Variants in SCARA5 observed in about 807,000 individuals in gnomAD.
SCARA5 encodes scavenger receptor class A, member 5 (putative).
SCARA5 carries 45 observed loss-of-function variants against 46.3 expected under a neutral mutation model. That is an observed-to-expected ratio of 0.97 (90% CI 0.76 to 1.24). The LOEUF (loss-of-function observed/expected upper bound fraction) is 1.24. Ranked by LOEUF, SCARA5 falls within the 50% of genes most tolerant of loss-of-function variation. The probability of loss-of-function intolerance (pLI) is 0.00; values close to 1 mark genes in which losing one functional copy is unlikely to be tolerated. For missense variants in SCARA5, 680 were observed against 689.0 expected (o/e 0.99, Z 0.15); for synonymous variants, 333 against 306.5 (o/e 1.09, Z -0.90).
intron 4 of SCARA5, among the ~76,000 whole-genome samples, chr8:27,919,578 C>T (rs1807548989): frequency 6.6e-6 from 1 of 152,070 alleles, no homozygotes; most frequent in South Asian, 2.1e-4. Flanking sequence ...ACATTGCAGT[C>T]TCTACTCCTT....
At chr8:27,954,862 C>G (rs748586481) in intron 3 of SCARA5, among the ~76,000 whole-genome samples, 7 of 152,216 alleles carry the variant, frequency 4.6e-5, no homozygotes, top group Non-Finnish European at 1.0e-4. Flanking sequence ...CCTTTCTTTC[C>G]TTGACTCCTC....
chr8:27,947,714 A>AG, intron 3 of SCARA5, among the ~76,000 whole-genome samples: 1 of 151,838 alleles, frequency 6.6e-6, no homozygotes, highest in East Asian at 1.9e-4. Flanking sequence ...CTACTAAAAA[A>AG]AAAAAAAAAA....
chr8:27,877,125 C>T (rs1806737625), intron 8 of SCARA5, among the ~76,000 whole-genome samples: 1 of 152,112 alleles, frequency 6.6e-6, no homozygotes, highest in Non-Finnish European at 1.5e-5. Flanking sequence ...CTGGAAACTG[C>T]TTGTAGAGAG....
At chr8:27,907,503 G>A (rs1807284242) in intron 5 of SCARA5, among the ~76,000 whole-genome samples, 1 of 151,874 alleles carries the variant, frequency 6.6e-6, no homozygotes. Flanking sequence ...GAGTGACGGT[G>A]GGGGTGCCTA....
Position 27,905,523 on chromosome 8 carries a change from T to TGGC in SCARA5, c.1097-690_1097-689insGCC, listed in dbSNP as rs751627046. The stretch of plus-strand genomic sequence containing the variant: ...AGAATGCCCAGGATGATCCAAGATT[T>TGGC]GGGGGGGGGAAAAAAAAAAGGCAGC... On this transcript the variant is annotated intron_variant, in intron 6 of 8. Transcript: ENST00000354914. Among the ~76,000 whole-genome samples the TGGC allele has an allele frequency of 2.0e-4, 11 of 53,692 alleles. 4 individuals are homozygous for TGGC. Among genetic ancestry groups the TGGC allele is most frequent in the Non-Finnish European group, 5.6e-4 (11 of 19,480 alleles). 35.2% of individuals were successfully genotyped at this position (53,692 alleles called of 152,430 possible).
At chr8:27,935,130 T>G (rs1397432649) in intron 3 of SCARA5, among the ~76,000 whole-genome samples, 1 of 152,232 alleles carries the variant, frequency 6.6e-6, no homozygotes, top group Non-Finnish European at 1.5e-5. Flanking sequence ...CAACCAAGGC[T>G]GCTGATATCC....
chr8:27,892,200 C>A (rs1382495741), intron 7 of SCARA5, among the ~76,000 whole-genome samples: 1 of 152,220 alleles, frequency 6.6e-6, no homozygotes, highest in African/African-American at 2.4e-5. Context: ...AAGAGGCCTC[C>A]CAGTGAAAAG....
chr8:27,907,236 C>T lies in SCARA5; in HGVS notation c.1008G>A (p.Gly336=), dbSNP rs753966786. Residue 336 remains glycine, a synonymous_variant, in exon 6 of 9, where the codon GGG becomes GGA. Coordinates refer to ENST00000354914, the MANE Select transcript of SCARA5 (RefSeq NM_173833.6). ...PGLPGLRGLP[G]ERGTPGLPGP... is the part of the protein sequence containing the mutation. The stretch of plus-strand genomic sequence containing the variant: ...CGGGCAATCCTGGGGTACCTCTCTC[C>T]CCGGGCAGACCTGGGGAGAAAACAG... The T allele has an allele frequency of 1.9e-6, 3 of 1,612,814 alleles. No individual in the cohort carries two copies. The Admixed American group carries it at 5.0e-5, about 27-fold the overall frequency.
At chr8:27,928,571 G>A (rs2129834865) in intron 3 of SCARA5, among the ~76,000 whole-genome samples, 1 of 152,340 alleles carries the variant, frequency 6.6e-6, no homozygotes, top group South Asian at 2.1e-4. Context: ...TGGTTCCAGA[G>A]TCCCCAGCTC....
At chr8:27,887,695 C>T (rs1806919056) in intron 7 of SCARA5, among the ~76,000 whole-genome samples, 1 of 152,180 alleles carries the variant, frequency 6.6e-6, no homozygotes, top group Admixed American at 6.5e-5. Flanking sequence ...TTCATCTTTT[C>T]CCTGCTTCCC....
intron 3 of SCARA5, among the ~76,000 whole-genome samples, chr8:27,959,485 C>T (rs753009187): frequency 1.3e-5 from 2 of 152,088 alleles, no homozygotes; most frequent in Non-Finnish European, 1.5e-5. Context: ...GAACAAGGTG[C>T]GGTGCCCTAT....
rs1409620924 is a variant in SCARA5, at chr8:27,871,767, G to A, written c.*167C>T. On this transcript the variant is annotated 3_prime_UTR_variant, in exon 9 of 9. Coordinates refer to ENST00000354914, the MANE Select transcript of SCARA5 (RefSeq NM_173833.6). ...TATACTTCGGAGCACATGTTCAAGA[G>A]GGAAATGACGACCGGCCCCCACGGT... 4 of 1,456,058 alleles carry A rather than the reference G, an allele frequency of 2.7e-6. No homozygotes were observed. Among genetic ancestry groups the A allele is most frequent in the Non-Finnish European group, 3.6e-6 (4 of 1,106,694 alleles). The allele number at this position is 1,456,058 out of a possible 1,614,324, so 90.2% of individuals were successfully genotyped here. A position where few individuals can be genotyped will look rare whatever the true frequency, so the allele number is the denominator to read the frequency against.
At chr8:27,978,152 G>A (rs1378236865) in intron 2 of SCARA5, among the ~76,000 whole-genome samples, 5 of 149,286 alleles carry the variant, frequency 3.3e-5, no homozygotes, top group East Asian at 4.0e-4. Context: ...TCAGCCTCCC[G>A]AGTAGCTGGG....
intron 7 of SCARA5, 87 bp from the exon 8 acceptor site, chr8:27,879,853 G>T: frequency 7.5e-7 from 1 of 1,334,428 alleles, no homozygotes; most frequent in Non-Finnish European, 1.0e-6. Flanking sequence ...CCTACCCCTG[G>T]GTAGGAGGAA....
chr8:27,969,567 G>A (rs1029205774), intron 2 of SCARA5, among the ~76,000 whole-genome samples: 1 of 152,190 alleles, frequency 6.6e-6, no homozygotes, highest in Non-Finnish European at 1.5e-5. Flanking sequence ...GTATGATACT[G>A]TAATGGTAGA....
At position 27,952,350 on chromosome 8, in the gene SCARA5, C is replaced by T. The variant is rs75883675; in HGVS notation, c.241+14064G>A. ...CCCGGTTTGAGGTACTTTGAGCAGT[C>T]CTAGGAGATGGACACAGCTGGGTGG... On this transcript the variant is annotated intron_variant, in intron 3 of 8. Transcript: ENST00000354914. 3.7e-3 allele frequency among the ~76,000 whole-genome samples: 558 copies of T among 152,106 alleles called. 3 individuals carry two copies. The highest frequency in any genetic ancestry group is 0.013 in the African/African-American group (539 of 41,500).
At chr8:27,966,596 A>G (rs1332462394) in intron 2 of SCARA5, 54 bp from the exon 3 acceptor site, 1 of 1,537,310 alleles carries the variant, frequency 6.5e-7, no homozygotes, top group Non-Finnish European at 8.7e-7. Flanking sequence ...AAACCCCATA[A>G]GCTCTTTTCT....
chr8:27,959,650 G>A (rs192037089), intron 3 of SCARA5, among the ~76,000 whole-genome samples: 45 of 152,344 alleles, frequency 3.0e-4, no homozygotes, highest in Admixed American at 7.2e-4. Flanking sequence ...ATGAGCAATC[G>A]TGAGGATGAG....
chr8:27,978,800 G>C (rs767706891), intron 2 of SCARA5, among the ~76,000 whole-genome samples: 1 of 151,944 alleles, frequency 6.6e-6, no homozygotes, highest in Non-Finnish European at 1.5e-5. Flanking sequence ...CTTGAGCCAC[G>C]GTGCCCGCCC....
Sources: gnomAD v4.1 joint callset for allele counts (sites outside exome capture counted in the v4.1 genomes callset) on GRCh38, gnomAD v4.1.1 for gene constraint, MANE v1.5 for transcripts, NCBI Gene and HGNC (gene_info 2026-07-23, HGNC 2026-07-21) for gene names.